CFAP74: variants seen among roughly 807,000 people sequenced by gnomAD.
The protein encoded by CFAP74 is cilia and flagella associated protein 74, also known as cilia- and flagella-associated protein 74.
CFAP74 carries 124 observed loss-of-function variants against 188.9 expected under a neutral mutation model. That is an observed-to-expected ratio of 0.66 (90% CI 0.57 to 0.76). The LOEUF is 0.76. CFAP74 is among the 30% of genes least tolerant of loss of function. CFAP74 has a pLI of 0.00. For missense variants in CFAP74, 2,198 were observed against 2,165.2 expected (o/e 1.02, Z -0.30); for synonymous variants, 956 against 916.7 (o/e 1.04, Z -0.77).
chr1:1,997,433 A>G (rs1050256563), intron 1 of CFAP74, among the ~76,000 whole-genome samples: 4 of 152,264 alleles, frequency 2.6e-5, no homozygotes, highest in African/African-American at 9.6e-5. Flanking sequence ...AAAAAAAAAA[A>G]AAAGGAAATA....
At chr1:1,980,826 C>T (rs767412278) in intron 6 of CFAP74, among the ~76,000 whole-genome samples, 6 of 152,232 alleles carry the variant, frequency 3.9e-5, no homozygotes, top group African/African-American at 1.4e-4. Context: ...CCTGCCCAGA[C>T]CACGACCCTC....
At chr1:1,958,061 CT>C (rs1349114084) in intron 16 of CFAP74, among the ~76,000 whole-genome samples, 1 of 152,214 alleles carries the variant, frequency 6.6e-6, no homozygotes, top group Non-Finnish European at 1.5e-5. Flanking sequence ...GAAAACACTT[CT>C]CTCTCTGCCA....
Position 1,930,334 on chromosome 1 carries a change from C to G in CFAP74, c.3014G>C (p.Cys1005Ser). Residue 1005 changes from cysteine (C) to serine (S), a missense_variant and splice_region_variant, in exon 26 of 39, where the codon TGC becomes TCC. Transcript: ENST00000682832. The stretch of plus-strand genomic sequence containing the variant: ...TACAGCCCGGCAAGACAGCTTGAAG[C>G]ACCTGCAAGCAGCAGCATGGGAGGC... ...QLTCKSEINR[C>S]FKLSCRAVGV... is the part of the protein sequence containing the mutation. 6.6e-7 allele frequency: 1 copy of G among 1,517,908 alleles called. No homozygotes were observed. The allele number at this position is 1,517,908 out of a possible 1,614,324, so 94.0% of individuals were successfully genotyped here.
intron 6 of CFAP74, among the ~76,000 whole-genome samples, chr1:1,982,646 C>T (rs1371668857): frequency 6.6e-6 from 1 of 152,258 alleles, no homozygotes; most frequent in Non-Finnish European, 1.5e-5. Flanking sequence ...CCAGATAAAG[C>T]TGACTTAAAG....
chr1:1,927,799 G>A, intron 27 of CFAP74, 53 bp from the exon 28 acceptor site: 1 of 1,516,032 alleles, frequency 6.6e-7, no homozygotes, highest in Non-Finnish European at 8.9e-7. Flanking sequence ...AACACAGCCA[G>A]CTGTGCCCCG....
chr1:1,976,158 G>A lies in CFAP74; in HGVS notation c.501-1960C>T, dbSNP rs74687935. 4.8e-3 allele frequency among the ~76,000 whole-genome samples: 729 copies of A among 152,330 alleles called. 21 individuals carry two copies. The East Asian group carries it at 0.086, about 18-fold the overall frequency. On this transcript the variant is annotated intron_variant, in intron 6 of 38. Coordinates refer to ENST00000682832, the MANE Select transcript of CFAP74 (RefSeq NM_001304360.2). ...CCACGAGGGCAGGGCCCCCATGGCC[G>A]AATCTCCCAGAGACCCCACCTCTTC...
chr1:1,984,453 T>A (rs993076289), intron 6 of CFAP74: 2 of 152,014 alleles, frequency 1.3e-5, no homozygotes, highest in African/African-American at 4.8e-5. Context: ...GTCAAAGGAG[T>A]GTCGCAGGGG....
intron 25 of CFAP74, 145 bp downstream of exon 25, chr1:1,938,710 G>C: frequency 2.1e-6 from 2 of 936,924 alleles, no homozygotes; most frequent in East Asian, 2.7e-5. Context: ...TGAGGTTCCT[G>C]CTGGCCGGCA....
chr1:1,957,348 T>A (rs1425538166), intron 16 of CFAP74, among the ~76,000 whole-genome samples: 1 of 152,096 alleles, frequency 6.6e-6, no homozygotes, highest in East Asian at 1.9e-4. Context: ...GGCTCCCCAC[T>A]CTGTGCTCCT....
At chr1:1,978,310 G>C (rs1250596740) in intron 6 of CFAP74, among the ~76,000 whole-genome samples, 1 of 152,182 alleles carries the variant, frequency 6.6e-6, no homozygotes, top group Non-Finnish European at 1.5e-5. Flanking sequence ...TGTTGCCTTG[G>C]GGCGATGCTG....
At chr1:1,972,347 A>C (rs1656146491) in intron 8 of CFAP74, among the ~76,000 whole-genome samples, 2 of 152,240 alleles carry the variant, frequency 1.3e-5, no homozygotes, top group African/African-American at 4.8e-5. Flanking sequence ...AATGGTGAGA[A>C]CACAAGAGGT....
At chr1:1,958,449 C>T (rs1022534534) in intron 16 of CFAP74, among the ~76,000 whole-genome samples, 5 of 152,206 alleles carry the variant, frequency 3.3e-5, no homozygotes, top group Non-Finnish European at 7.3e-5. Context: ...CGGGGCTGGC[C>T]GCAGAGGGCT....
chr1:1,995,776 C>T (rs1030263760), intron 1 of CFAP74, among the ~76,000 whole-genome samples: 19 of 150,690 alleles, frequency 1.3e-4, no homozygotes, highest in South Asian at 4.2e-4. Context: ...GGTGTGGTGG[C>T]GGGCACCTGT....
chr1:1,998,958 CA>C (rs1658065198), intron 1 of CFAP74, among the ~76,000 whole-genome samples: 1 of 152,088 alleles, frequency 6.6e-6, no homozygotes, highest in African/African-American at 2.4e-5. Context: ...ACTACAAACT[CA>C]ATGTTGTCAG....
Position 1,968,933 on chromosome 1 carries a change from G to GA in CFAP74, c.1047-101_1047-100insT. The stretch of plus-strand genomic sequence containing the variant: ...GCGGCCCCTCCCTAGCGCCCTCCTG[G>GA]GGGCTCCGGTCCTGCCCAGCAGCCC... On this transcript the variant is annotated intron_variant, in intron 10 of 38. Transcript: ENST00000682832. This position sits in a 1 kb window ranked among gnomAD's most constrained non-coding sequence, Gnocchi z 4.3. 7.5e-6 allele frequency: 5 copies of GA among 665,716 alleles called. No individual in the cohort carries two copies. Among genetic ancestry groups the GA allele is most frequent in the Non-Finnish European group, 9.0e-6 (4 of 445,788 alleles). The allele number at this position is 665,716 out of a possible 1,614,324, so 41.2% of individuals were successfully genotyped here. A position where few individuals can be genotyped will look rare whatever the true frequency, so the allele number is the denominator to read the frequency against.
chr1:1,972,256 C>T (rs778579442), intron 8 of CFAP74, among the ~76,000 whole-genome samples, 174 bp from the exon 9 acceptor site: 18 of 152,190 alleles, frequency 1.2e-4, no homozygotes, highest in Non-Finnish European at 2.2e-4. Context: ...ACATTTTTAA[C>T]CGAGGAAGTG....
chr1:1,939,660 C>T lies in CFAP74; in HGVS notation c.2811G>A (p.Arg937=). ...AGTGGTTGTGGAGGCTGATTTCCGT[C>T]CTGATGGCCTCATAGATGGTGCAGT... ...FGYCTIYEAI[R]TEISLHNHSL... The change falls in exon 24 of 39, where the codon AGG becomes AGA. Residue 937 remains arginine (R), a synonymous_variant. Transcript: ENST00000682832. The T allele has an allele frequency of 6.5e-7, 1 of 1,536,078 alleles. No individual in the cohort carries two copies. Among genetic ancestry groups the T allele is most frequent in the African/African-American group, 1.4e-5 (1 of 73,148 alleles).
At chr1:1,952,614 G>C (rs1234720525) in intron 18 of CFAP74, among the ~76,000 whole-genome samples, 1 of 151,274 alleles carries the variant, frequency 6.6e-6, no homozygotes, top group Non-Finnish European at 1.5e-5. Flanking sequence ...AAGAAAGAAA[G>C]ACAGACCTAG....
chr1:1,970,472 T>G (rs1655871331), intron 10 of CFAP74, among the ~76,000 whole-genome samples, 187 bp downstream of exon 10: 1 of 152,134 alleles, frequency 6.6e-6, no homozygotes, highest in African/African-American at 2.4e-5. Flanking sequence ...CTGGGCAGGC[T>G]GAGTCAGGCC....
Sources: allele counts gnomAD v4.1 joint callset (sites outside exome capture counted in the v4.1 genomes callset), GRCh38; gene constraint gnomAD v4.1.1; non-coding constraint Gnocchi (gnomAD v3.1); transcripts MANE v1.5; gene names NCBI Gene and HGNC (gene_info 2026-07-23, HGNC 2026-07-21).